The following STIM1 variants were observed in gnomAD, a reference collection of about 807,000 sequenced individuals.
STIM1 encodes the protein stromal interaction molecule 1.
STIM1 carries 25 observed loss-of-function variants against 74.7 expected under a neutral mutation model. The ratio of observed to expected loss-of-function variants is 0.33; its 90% confidence interval spans 0.24 to 0.47. STIM1 has a LOEUF of 0.47. Ranked by LOEUF, STIM1 falls within the 20% of genes least tolerant of loss-of-function variation. The pLI is 1.00. For synonymous variants in STIM1, 328 were observed against 348.8 expected (o/e 0.94, Z 0.66); for missense variants, 728 against 920.8 (o/e 0.79, Z 2.71).
intron 2 of STIM1, chr11:3,973,282 G>T: frequency 2.1e-6 from 1 of 479,260 alleles, no homozygotes; most frequent in South Asian, 1.6e-5. Flanking sequence ...CCACCTCCAC[G>T]ACCATCACCA....
intron 2 of STIM1, among the ~76,000 whole-genome samples, chr11:3,987,123 C>CTAGGTTTCTCCTCAGATAT (rs2093565195): frequency 6.6e-6 from 1 of 151,268 alleles, no homozygotes; most frequent in African/African-American, 2.4e-5. Context: ...TCCTCAGACA[C>CTAGGTTTCTCCTCAGATAT]TAGGTTTCTC....
At chr11:3,974,254 A>G (rs1411445984) in intron 2 of STIM1, 2 of 365,888 alleles carry the variant, frequency 5.5e-6, no homozygotes, top group Non-Finnish European at 9.9e-6. Context: ...GTGGGAAGAG[A>G]GACTTTAATG....
At chr11:3,904,754 T>C (rs1255187462) in intron 1 of STIM1, among the ~76,000 whole-genome samples, 1 of 152,142 alleles carries the variant, frequency 6.6e-6, no homozygotes, top group Non-Finnish European at 1.5e-5. Context: ...GTGATGCTGT[T>C]AACACATGGA....
At chr11:4,084,581 G>T (rs2094481975) in intron 10 of STIM1, 92 bp from the exon 11 acceptor site, 1 of 1,057,940 alleles carries the variant, frequency 9.5e-7, no homozygotes, top group Non-Finnish European at 1.3e-6. Context: ...CCCAATCCCT[G>T]CCCCCAGCCC....
intron 1 of STIM1, among the ~76,000 whole-genome samples, chr11:3,937,070 C>A (rs1377346784): frequency 6.6e-6 from 1 of 151,860 alleles, no homozygotes; most frequent in Non-Finnish European, 1.5e-5. Flanking sequence ...CTTTGGGAGG[C>A]CGAGGAGTCC....
chr11:3,941,696 A>AGAGTGT (rs1214690521), intron 1 of STIM1, among the ~76,000 whole-genome samples: 2 of 141,882 alleles, frequency 1.4e-5, no homozygotes, highest in East Asian at 2.2e-4. Context: ...AGAGAGAGAG[A>AGAGTGT]GTGTGTGTGT....
chr11:3,947,065 T>C (rs768133852), intron 1 of STIM1, among the ~76,000 whole-genome samples: 1 of 152,048 alleles, frequency 6.6e-6, no homozygotes, highest in Non-Finnish European at 1.5e-5. Flanking sequence ...TACAAAGGCA[T>C]ATATAAACCT....
At chr11:4,048,529 T>G (rs1337145742) in intron 3 of STIM1, among the ~76,000 whole-genome samples, 3 of 152,120 alleles carry the variant, frequency 2.0e-5, no homozygotes, top group Non-Finnish European at 4.4e-5. Flanking sequence ...TGATGACTCA[T>G]TCCTCCCACC....
chr11:4,007,524 G>A (rs965998029), intron 2 of STIM1, among the ~76,000 whole-genome samples: 31 of 152,108 alleles, frequency 2.0e-4, no homozygotes, highest in African/African-American at 7.2e-4. Context: ...CTGGGTAACT[G>A]GGAACTTCCG....
intron 1 of STIM1, among the ~76,000 whole-genome samples, chr11:3,921,329 A>T (rs1445885337): frequency 6.6e-6 from 1 of 152,264 alleles, no homozygotes; most frequent in Non-Finnish European, 1.5e-5. Context: ...TTCAGTCAGA[A>T]AAAAGGATTA....
At chr11:3,903,572 G>A (rs1455659309) in intron 1 of STIM1, 1 of 152,172 alleles carries the variant, frequency 6.6e-6, no homozygotes, top group Non-Finnish European at 1.5e-5. Flanking sequence ...TCTTTCTATT[G>A]AACAGGCTGT....
chr11:4,051,808 G>A (rs1342006774), intron 3 of STIM1, among the ~76,000 whole-genome samples: 1 of 152,108 alleles, frequency 6.6e-6, no homozygotes, highest in East Asian at 1.9e-4. Context: ...CACCACACCT[G>A]GCTAATTGTC....
intron 2 of STIM1, among the ~76,000 whole-genome samples, chr11:4,002,487 A>G (rs1244193574): frequency 6.6e-6 from 1 of 151,450 alleles, no homozygotes; most frequent in African/African-American, 2.4e-5. Context: ...CTGAATGACT[A>G]CTGGGTACAT....
chr11:3,956,058 A>G (rs2093208913), intron 1 of STIM1, among the ~76,000 whole-genome samples: 1 of 152,048 alleles, frequency 6.6e-6, no homozygotes, highest in African/African-American at 2.4e-5. Context: ...TGGAGATGAA[A>G]TCAGAAAGAT....
intron 1 of STIM1, among the ~76,000 whole-genome samples, chr11:3,891,510 C>T (rs370143337): frequency 6.6e-6 from 1 of 152,074 alleles, no homozygotes; most frequent in African/African-American, 2.4e-5. Flanking sequence ...GTCTCAAACT[C>T]CTGACTTCAG....
At chr11:4,070,311 GC>G in intron 6 of STIM1, 108 bp downstream of exon 6, 2 of 1,270,192 alleles carry the variant, frequency 1.6e-6, no homozygotes, top group Non-Finnish European at 2.3e-6. Flanking sequence ...CAGCATGGCA[GC>G]CCAGGCTGCA....
intron 2 of STIM1, among the ~76,000 whole-genome samples, chr11:4,008,801 A>G (rs1762029373): frequency 6.6e-6 from 1 of 152,174 alleles, no homozygotes; most frequent in South Asian, 2.1e-4. Context: ...CCATGCACAC[A>G]TGGGGAGAGC....
In STIM1 at chr11:4,091,999, G is replaced by A. The variant is rs2094528064; in HGVS notation, c.*201G>A. The A allele has an allele frequency of 1.4e-6, 1 of 717,786 alleles. No individual in the cohort carries two copies. The highest frequency in any genetic ancestry group is 1.8e-5 in the South Asian group (1 of 55,854). The allele number at this position is 717,786 out of a possible 1,614,324, so 44.5% of individuals were successfully genotyped here. On this transcript the variant is annotated 3_prime_UTR_variant, in exon 13 of 13. Transcript: ENST00000526596. ...ATTAACTGACCACCATGGCCTGCCT[G>A]CCCTGCCTCCGTCCCAACCATGGGC...
intron 1 of STIM1, chr11:3,867,259 G>A (rs7932663): frequency 0.012 from 1,888 of 152,356 alleles, 43 homozygotes; most frequent in African/African-American, 0.043. Context: ...CAGTCATAAT[G>A]AGGGATGGTT....
Sources: allele counts gnomAD v4.1 joint callset (sites outside exome capture counted in the v4.1 genomes callset), GRCh38; gene constraint gnomAD v4.1.1; transcripts MANE v1.5; gene names NCBI Gene and HGNC (gene_info 2026-07-23, HGNC 2026-07-21).